Variants in KIF7 observed in about 807,000 individuals in gnomAD.
The protein encoded by KIF7 is kinesin family member 7, also known as kinesin-like protein KIF7.
Under a neutral mutation model 135.7 loss-of-function variants are expected in KIF7, and 104 were observed. That is an observed-to-expected ratio of 0.77 (90% confidence interval 0.65 to 0.90). The LOEUF (loss-of-function observed/expected upper bound fraction) is 0.90. Ranked by LOEUF, KIF7 falls within the 40% of genes least tolerant of loss-of-function variation. The pLI is 0.00. For synonymous variants in KIF7, 883 were observed against 809.4 expected, an observed-to-expected ratio of 1.09 and a Z score of -1.54; for missense variants, 2,005 against 1,839.1, an observed-to-expected ratio of 1.09 and a Z score of -1.65.
chr15:89,634,302 AAAT>A (rs1243684912), intron 11 of KIF7, among the ~76,000 whole-genome samples: 2 of 152,194 alleles, frequency 1.3e-5, no homozygotes, highest in Non-Finnish European at 2.9e-5. Context: ...CTGACTCAAA[AAAT>A]AATAACAGGA....
At chr15:89,625,811 T>G, downstream of KIF7, 1 of 1,578,238 alleles carries the variant, frequency 6.3e-7, no homozygotes. Context: ...GAAACCCAGT[T>G]TCCTCATGGT....
Position 89,633,734 on chromosome 15 carries a change from C to T in KIF7, c.2544G>A (p.Gln848=), listed in dbSNP as rs777827326. ...LQRRLREETE[Q]KRRLEAEMSK... is the part of the protein sequence containing the mutation. The stretch of plus-strand genomic sequence containing the variant: ...TCATTTCTGCCTCCAGGCGCCGCTT[C>T]TGCTCCGTCTCCTCGCGAAGCCGCC... The change falls in exon 12 of 19, where the codon CAG becomes CAA. Residue 848 remains glutamine, a synonymous_variant. Coordinates refer to ENST00000394412, the MANE Select transcript of KIF7 (RefSeq NM_198525.3). 1 of 1,609,188 alleles carries T rather than the reference C, an allele frequency of 6.2e-7. No individual in the cohort carries two copies. Among genetic ancestry groups the T allele is most frequent in the Non-Finnish European group, 8.5e-7 (1 of 1,179,890 alleles).
intron 11 of KIF7, among the ~76,000 whole-genome samples, chr15:89,641,940 G>T (rs1038165857): frequency 6.6e-6 from 1 of 152,160 alleles, no homozygotes; most frequent in African/African-American, 2.4e-5. Context: ...ACGCTGCAGG[G>T]TAGGTTTCTT....
At chr15:89,654,693 C>G (rs1964180204) in intron 1 of KIF7, among the ~76,000 whole-genome samples, 1 of 152,240 alleles carries the variant, frequency 6.6e-6, no homozygotes, top group African/African-American at 2.4e-5. Flanking sequence ...CAAGGTCCCA[C>G]GCTGCCCAAC....
At position 89,645,179 on chromosome 15, in the gene KIF7, C is replaced by T. The variant is rs1567065289; in HGVS notation, c.2039-14G>A. The stretch of plus-strand genomic sequence containing the variant: ...TCCCACCAACTGCTGCAACAGGCAG[C>T]CTGTCAAGGTTGCTGCCCCAACTGA... On this transcript the variant is annotated splice_polypyrimidine_tract_variant and intron_variant, in intron 9 of 18. Coordinates refer to ENST00000394412, the MANE Select transcript of KIF7 (RefSeq NM_198525.3). The T allele has an allele frequency of 1.2e-6, 2 of 1,604,800 alleles. No individual in the cohort carries two copies. The highest frequency in any genetic ancestry group is 1.7e-6 in the Non-Finnish European group (2 of 1,179,914).
chr15:89,632,911 T>A lies in KIF7; in HGVS notation c.2804A>T (p.Glu935Val). ...QRRALEELGE[E>V]LHKREAILAK... ...CAGGATGGCCTCCCGCTTGTGGAGC[T>A]CCTCCCCCAGCTCCTCCAGCGCCCG... Residue 935 changes from glutamate to valine, a missense_variant, in exon 14 of 19, where the codon GAG (glutamate) becomes GTG (valine). Transcript: ENST00000394412. 3 of 1,604,950 alleles carry A rather than the reference T, an allele frequency of 1.9e-6. No individual in the cohort carries two copies. The highest frequency in any genetic ancestry group is 2.5e-6 in the Non-Finnish European group (3 of 1,177,724).
intron 15 of KIF7, 113 bp from the exon 16 acceptor site, chr15:89,630,606 G>A (rs941548692): frequency 1.9e-4 from 170 of 887,892 alleles, no homozygotes; most frequent in Admixed American, 7.2e-4. Context: ...GGGTCCCCTC[G>A]TCCCAAGGGC....
chr15:89,649,102 G>T lies in KIF7; in HGVS notation c.795C>A (p.Thr265=), dbSNP rs1423923369. The T allele has an allele frequency of 9.0e-6, 14 of 1,547,602 alleles. No homozygotes were observed. Among genetic ancestry groups the T allele is most frequent in the Non-Finnish European group, 1.2e-5 (14 of 1,146,770 alleles). ...GGATGCTCTCCTTGAGCCGCTCGCCGGTGCTGCCCGTCTTGAGCACCCTCT... is the reference window on the plus strand; with the variant it reads ...GGATGCTCTCCTTGAGCCGCTCGCCTGTGCTGCCCGTCTTGAGCACCCTCT... The part of the protein sequence containing the change: ...GSERVLKTGS[T]GERLKESIQI... The change falls in exon 4 of 19, where the codon ACC becomes ACA. Residue 265 remains threonine, a synonymous_variant. Coordinates refer to ENST00000394412, the MANE Select transcript of KIF7 (RefSeq NM_198525.3).
downstream of KIF7, chr15:89,626,039 C>T: frequency 6.2e-7 from 1 of 1,613,962 alleles, no homozygotes; most frequent in Non-Finnish European, 8.5e-7. Flanking sequence ...AAACACCTTC[C>T]TCTCAGAGCA....
upstream of KIF7, among the ~76,000 whole-genome samples, chr15:89,660,312 G>GA (rs1169606721): frequency 6.6e-6 from 1 of 152,170 alleles, no homozygotes; most frequent in Non-Finnish European, 1.5e-5. Flanking sequence ...TAGGACTTCT[G>GA]ATTTTTAATT....
At chr15:89,660,067 G>A (rs1157000167), upstream of KIF7, among the ~76,000 whole-genome samples, 16 of 152,204 alleles carry the variant, frequency 1.1e-4, no homozygotes, top group South Asian at 8.3e-4. Flanking sequence ...GCGTGGTGGC[G>A]AGCGCCTGTA....
Position 89,628,966 on chromosome 15 carries a change from GAGGAGTTACCCCT to G in KIF7, c.3661_3664+9del. ...AACAGGTCTGACTTCAGAGCGCGACGAGGAGTTACCCCTGCTGTGGCCTACAGCGTTCACACCG... is the reference window on the plus strand; with the variant it reads ...AACAGGTCTGACTTCAGAGCGCGACGGCTGTGGCCTACAGCGTTCACACCG... On this transcript the variant is annotated splice_donor_variant and splice_donor_5th_base_variant and coding_sequence_variant and intron_variant, in exon 18 of 19. Coordinates refer to ENST00000394412, the MANE Select transcript of KIF7 (RefSeq NM_198525.3). LOFTEE classifies it high-confidence loss of function. 1 of 1,613,822 alleles carries G rather than the reference GAGGAGTTACCCCT, an allele frequency of 6.2e-7. No individual in the cohort carries two copies. Among genetic ancestry groups the G allele is most frequent in the Middle Eastern group, 1.6e-4 (1 of 6,062 alleles).
rs774225268 is a variant in KIF7, at chr15:89,647,637, G to C, written c.1519C>G (p.Leu507Val). The change falls in exon 6 of 19, where the codon CTG becomes GTG. Residue 507 changes from leucine to valine, a missense_variant. Transcript: ENST00000394412. The stretch of plus-strand genomic sequence containing the variant: ...TCCATGGCGTCCTCCAGCGCAGCCA[G>C]AAAGTCTCGGTTCTCCTCCTCCAGC... ...ARLEEENRDF[L>V]AALEDAMEQY... The C allele has an allele frequency of 1.2e-6, 2 of 1,611,918 alleles. No homozygotes were observed. The highest frequency in any genetic ancestry group is 1.7e-6 in the Non-Finnish European group (2 of 1,179,984).
At chr15:89,646,131 C>A in intron 7 of KIF7, 105 bp from the exon 8 acceptor site, 1 of 1,428,436 alleles carries the variant, frequency 7.0e-7, no homozygotes, top group South Asian at 1.2e-5. Flanking sequence ...GCCTTACCTT[C>A]GTGATCCAGC....
chr15:89,643,885 G>GAAAA (rs11358124), intron 10 of KIF7, among the ~76,000 whole-genome samples: 2 of 91,512 alleles, frequency 2.2e-5, no homozygotes, highest in Non-Finnish European at 2.2e-5. Flanking sequence ...CTCCGTCTCA[G>GAAAA]AAAAAAAAAA....
At chr15:89,651,802 C>T (rs1964127913) in intron 2 of KIF7, among the ~76,000 whole-genome samples, 1 of 152,194 alleles carries the variant, frequency 6.6e-6, no homozygotes, top group Admixed American at 6.5e-5. Context: ...GAAATCCTTA[C>T]CTCCAATATG....
intron 3 of KIF7, 49 bp downstream of exon 3, chr15:89,649,692 A>C: frequency 6.5e-7 from 1 of 1,529,362 alleles, no homozygotes; most frequent in Non-Finnish European, 8.8e-7. Flanking sequence ...AAACAGGTGA[A>C]GCCCCCCTAA....
At chr15:89,661,820 C>T in the KIF7 span, among the ~76,000 whole-genome samples, 5 of 151,612 alleles carry the variant, frequency 3.3e-5, no homozygotes. Flanking sequence ...CTTCTGGTTT[C>T]AAGCGATTCT....
chr15:89,626,038 C>A (rs1478956423), downstream of KIF7: 8 of 1,613,854 alleles, frequency 5.0e-6, no homozygotes, highest in Non-Finnish European at 6.8e-6. Context: ...AAAACACCTT[C>A]CTCTCAGAGC....
Sources: allele counts gnomAD v4.1 joint callset (sites outside exome capture counted in the v4.1 genomes callset), GRCh38; gene constraint gnomAD v4.1.1; transcripts MANE v1.5; gene names NCBI Gene and HGNC (gene_info 2026-07-23, HGNC 2026-07-21).